Variants in IFI16 observed in about 807,000 individuals in gnomAD.
IFI16 encodes the protein interferon gamma inducible protein 16, also known as gamma-interferon-inducible protein 16.
IFI16 carries 49 observed loss-of-function variants against 68.4 expected under a neutral mutation model. The observed-to-expected ratio is 0.72, with a 90% CI of 0.57 to 0.91. The LOEUF is 0.91. Ranked by LOEUF, IFI16 falls within the 40% of genes least tolerant of loss-of-function variation. The pLI is 0.00. For synonymous variants in IFI16, 307 were observed against 315.0 expected (o/e 0.97, Z 0.27); for missense variants, 878 against 942.9 (o/e 0.93, Z 0.90).
intron 8 of IFI16, among the ~76,000 whole-genome samples, chr1:159,047,755 T>TC (rs988349812): frequency 6.8e-6 from 1 of 147,366 alleles, no homozygotes; most frequent in African/African-American, 2.5e-5. Flanking sequence ...CATCACAGCT[T>TC]CTCCCAAGTA....
In IFI16 at chr1:159,014,910, A is replaced by T. The variant is rs1652826152; in HGVS notation, c.230A>T (p.Asp77Val). The part of the protein sequence containing the change: ...KIFEDIPTLE[D>V]LAETLKKEKL... ...TTCGAAGATATACCAACGCTTGAAG[A>T]CCTGGCTGAAACTCTTAAAAAAGAA... Residue 77 changes from aspartate to valine, a missense_variant, in exon 2 of 12, where the codon GAC (aspartate) becomes GTC (valine). Physicochemically the swap from Asp to Val is radical, Grantham distance 152 (BLOSUM62 -3). Transcript: ENST00000295809. The T allele has an allele frequency of 6.2e-7, 1 of 1,611,532 alleles. No homozygotes were observed. Among genetic ancestry groups the T allele is most frequent in the Admixed American group, 1.7e-5 (1 of 59,400 alleles).
chr1:159,052,707 A>G (rs930299698), intron 10 of IFI16: 3 of 152,238 alleles, frequency 2.0e-5, no homozygotes, highest in Admixed American at 2.0e-4. Flanking sequence ...CAAAAAGACT[A>G]AAAAAGTCAC....
At chr1:159,038,153 A>G (rs1392304750) in intron 7 of IFI16, among the ~76,000 whole-genome samples, 1 of 152,138 alleles carries the variant, frequency 6.6e-6, no homozygotes, top group Non-Finnish European at 1.5e-5. Flanking sequence ...TGTTTCTTCC[A>G]GTATGGGACA....
intron 1 of IFI16, among the ~76,000 whole-genome samples, chr1:159,013,099 AT>A: frequency 1.4e-5 from 2 of 142,596 alleles, no homozygotes; most frequent in Non-Finnish European, 3.0e-5. Context: ...TTTTGTATAG[AT>A]TTTCCCTTCA....
chr1:159,025,228 C>T lies in IFI16; in HGVS notation c.1161+4699C>T, dbSNP rs1653583423. ...GCCCAAGGGATGCTGTGGCCCTGGCCCCTCTTGAAGTCTTGGCCTTCTTGT... is the reference window on the plus strand; with the variant it reads ...GCCCAAGGGATGCTGTGGCCCTGGCTCCTCTTGAAGTCTTGGCCTTCTTGT... On this transcript the variant is annotated intron_variant, in intron 6 of 11. Coordinates refer to ENST00000295809, the MANE Select transcript of IFI16 (RefSeq NM_001376587.1). 2.6e-5 allele frequency among the ~76,000 whole-genome samples: 4 copies of T among 152,212 alleles called. No individual in the cohort carries two copies. In the South Asian group the frequency reaches 8.3e-4, roughly 32 times the overall value.
intron 6 of IFI16, among the ~76,000 whole-genome samples, chr1:159,025,921 A>AT (rs1653639965): frequency 6.6e-6 from 1 of 152,172 alleles, no homozygotes; most frequent in Admixed American, 6.5e-5. Context: ...CATTTGTTGA[A>AT]TAGGATGTCC....
At chr1:159,025,334 AAAAT>A (rs532183598) in intron 6 of IFI16, among the ~76,000 whole-genome samples, 5 of 152,344 alleles carry the variant, frequency 3.3e-5, no homozygotes, top group South Asian at 4.1e-4. Flanking sequence ...GACTTAAAAA[AAAAT>A]AAACACCATT....
intron 1 of IFI16, among the ~76,000 whole-genome samples, chr1:159,013,946 G>GA (rs1375957765): frequency 6.6e-6 from 1 of 152,136 alleles, no homozygotes; most frequent in East Asian, 1.9e-4. Flanking sequence ...CTTATCGAGA[G>GA]AAAACTGATT....
intron 7 of IFI16, among the ~76,000 whole-genome samples, chr1:159,038,810 G>T (rs932389171): frequency 6.6e-6 from 1 of 152,160 alleles, no homozygotes; most frequent in Non-Finnish European, 1.5e-5. Flanking sequence ...CCTAATTACT[G>T]TTGGGAATCC....
upstream of IFI16, among the ~76,000 whole-genome samples, chr1:159,001,529 T>G (rs1290724625): frequency 6.6e-6 from 1 of 152,174 alleles, no homozygotes; most frequent in Non-Finnish European, 1.5e-5. Flanking sequence ...TTAAGGGACA[T>G]TTTCAAAATA....
intron 4 of IFI16, among the ~76,000 whole-genome samples, 173 bp downstream of exon 4, chr1:159,016,873 C>G (rs1245781507): frequency 6.6e-6 from 1 of 152,212 alleles, no homozygotes. Flanking sequence ...ATGAACTTGA[C>G]ATTATCTCTG....
At chr1:159,012,388 T>A (rs1445552848) in intron 1 of IFI16, among the ~76,000 whole-genome samples, 2 of 152,200 alleles carry the variant, frequency 1.3e-5, no homozygotes, top group Non-Finnish European at 2.9e-5. Context: ...CTAAATAGTG[T>A]CTTACTAGAA....
chr1:159,042,940 C>A (rs1654752848), intron 7 of IFI16, among the ~76,000 whole-genome samples: 1 of 152,140 alleles, frequency 6.6e-6, no homozygotes, highest in South Asian at 2.1e-4. Flanking sequence ...AAATACTGAC[C>A]CATGGCAACT....
chr1:159,053,351 G>C (rs1655475165), intron 10 of IFI16, 182 bp from the exon 11 acceptor site: 1 of 426,180 alleles, frequency 2.3e-6, no homozygotes, highest in South Asian at 6.2e-5. Context: ...AGGCTCAAGG[G>C]AGGAGTTGAA....
intron 10 of IFI16, chr1:159,052,307 G>A: frequency 1.8e-6 from 1 of 555,896 alleles, no homozygotes; most frequent in Non-Finnish European, 3.2e-6. Flanking sequence ...GTATCATCAT[G>A]CAAGTTATTT....
chr1:159,008,885 C>T (rs1404667607), upstream of IFI16: 1 of 152,130 alleles, frequency 6.6e-6, no homozygotes, highest in African/African-American at 2.4e-5. Context: ...TGTAGATGGC[C>T]TTGGACAGTA....
intron 6 of IFI16, among the ~76,000 whole-genome samples, chr1:159,026,591 G>A (rs1370206427): frequency 6.6e-6 from 1 of 152,008 alleles, no homozygotes; most frequent in Admixed American, 6.6e-5. Context: ...GAGCCACTGC[G>A]CCCGGCCAAT....
At chr1:159,053,512 A>T (rs1332820753) in intron 10 of IFI16, 21 bp from the exon 11 acceptor site, 23 of 1,481,008 alleles carry the variant, frequency 1.6e-5, no homozygotes, top group Non-Finnish European at 2.1e-5. Context: ...TCAGAAGATA[A>T]GTGTTAATTT....
chr1:159,050,766 G>A (rs370917947), intron 9 of IFI16, among the ~76,000 whole-genome samples: 9 of 152,022 alleles, frequency 5.9e-5, no homozygotes, highest in African/African-American at 2.2e-4. Flanking sequence ...GTCCCCTCCC[G>A]CCTAATTTTT....
Sources: allele counts gnomAD v4.1 joint callset (sites outside exome capture counted in the v4.1 genomes callset), GRCh38; gene constraint gnomAD v4.1.1; transcripts MANE v1.5; gene names NCBI Gene and HGNC (gene_info 2026-07-23, HGNC 2026-07-21).